Variants in KCNK1 observed in about 807,000 individuals in gnomAD.
The protein encoded by KCNK1 is potassium two pore domain channel subfamily K member 1.
Under a neutral mutation model 22.2 loss-of-function variants are expected in KCNK1, and 10 were observed. The observed-to-expected ratio is 0.45, with a 90% CI of 0.28 to 0.76. KCNK1 has a LOEUF of 0.76. Among genes scored for constraint, KCNK1 ranks in the 30% least tolerant of loss-of-function variants. KCNK1 has a pLI of 0.14. For missense variants in KCNK1, 378 were observed against 421.0 expected (o/e 0.90, Z 0.89); for synonymous variants, 200 against 186.4 (o/e 1.07, Z -0.60).
At chr1:233,650,213 G>A (rs16859361) in intron 1 of KCNK1, among the ~76,000 whole-genome samples, 3,606 of 152,272 alleles carry the variant, frequency 0.024, 148 homozygotes, top group African/African-American at 0.082. Flanking sequence ...AGTTTGCAAT[G>A]AGGGGAGTAA....
Position 233,666,917 on chromosome 1 carries a change from T to A in KCNK1, c.678T>A (p.Ile226=). 6.2e-7 allele frequency: 1 copy of A among 1,614,150 alleles called. No homozygotes were observed. Among genetic ancestry groups the A allele is most frequent in the Non-Finnish European group, 8.5e-7 (1 of 1,179,968 alleles). Residue 226 remains isoleucine, a synonymous_variant, in exon 2 of 3, where the codon ATT becomes ATA. Transcript: ENST00000366621. ...TTTGTTTTATTTCCCTGAGCACCAT[T>A]GGCCTGGGGGATTATGTGCCTGGGG... is the stretch of plus-strand genomic sequence containing the variant. The part of the protein sequence containing the change: ...FYFCFISLST[I]GLGDYVPGEG...
intron 1 of KCNK1, among the ~76,000 whole-genome samples, chr1:233,627,901 C>G (rs929552698): frequency 6.6e-6 from 1 of 152,208 alleles, no homozygotes; most frequent in African/African-American, 2.4e-5. Flanking sequence ...TGGTGGAACA[C>G]CAGAGTTATT....
chr1:233,616,575 G>A (rs1194234549), intron 1 of KCNK1, among the ~76,000 whole-genome samples: 3 of 152,128 alleles, frequency 2.0e-5, no homozygotes, highest in Non-Finnish European at 4.4e-5. Flanking sequence ...AGTGCAAGGG[G>A]CACTTAAGGA....
intron 1 of KCNK1, among the ~76,000 whole-genome samples, chr1:233,620,971 G>A (rs1331236485): frequency 6.6e-6 from 1 of 152,154 alleles, no homozygotes; most frequent in Non-Finnish European, 1.5e-5. Flanking sequence ...TCACTTTACA[G>A]AGGATGAAAC....
In KCNK1 at chr1:233,662,996, A is replaced by G. The variant is rs532928554; in HGVS notation, c.356-3599A>G. On this transcript the variant is annotated intron_variant, in intron 1 of 2. Coordinates refer to ENST00000366621, the MANE Select transcript of KCNK1 (RefSeq NM_002245.4). Reference sequence around the variant, plus strand: ...AAATATGAATTTTGCTTCATGATCTATCTGAAGGTTCAATTGACTGGACTT... The same window carrying G: ...AAATATGAATTTTGCTTCATGATCTGTCTGAAGGTTCAATTGACTGGACTT... 2.6e-5 allele frequency among the ~76,000 whole-genome samples: 4 copies of G among 152,346 alleles called. No individual in the cohort carries two copies. The East Asian group carries it at 5.8e-4, about 22-fold the overall frequency.
chr1:233,630,443 A>G (rs1558110228), intron 1 of KCNK1: 1 of 152,216 alleles, frequency 6.6e-6, no homozygotes, highest in Non-Finnish European at 1.5e-5. Flanking sequence ...TTCTTGGTAC[A>G]TTGGCCTCAG....
intron 1 of KCNK1, among the ~76,000 whole-genome samples, chr1:233,632,346 A>G (rs967346810): frequency 6.6e-6 from 1 of 152,228 alleles, no homozygotes. Flanking sequence ...TTGACATGCA[A>G]GCAACCAAAT....
In KCNK1 at chr1:233,666,737, C is replaced by G. The variant is rs1658496421; in HGVS notation, c.498C>G (p.Leu166=). The change falls in exon 2 of 3, where the codon CTC becomes CTG. Residue 166 remains leucine (L), a synonymous_variant. Transcript: ENST00000366621. The part of the protein sequence containing the change: ...ITVHVTRRPV[L]YFHIRWGFSK... Reference sequence around the variant, plus strand: ...TGCACGTCACCCGCAGGCCGGTCCTCTACTTCCACATCCGCTGGGGCTTCT... The same window carrying G: ...TGCACGTCACCCGCAGGCCGGTCCTGTACTTCCACATCCGCTGGGGCTTCT... The G allele has an allele frequency of 4.3e-6, 7 of 1,614,080 alleles. No individual in the cohort carries two copies. The highest frequency in any genetic ancestry group is 5.9e-6 in the Non-Finnish European group (7 of 1,180,044).
At position 233,671,688 on chromosome 1, in the gene KCNK1, C is replaced by G; in HGVS notation, c.*158C>G. ...CTTATTAAAAAACAACAAAAAAAGACAAATGGAACAAAGAAGCTGTGACCC... is the reference window on the plus strand; with the variant it reads ...CTTATTAAAAAACAACAAAAAAAGAGAAATGGAACAAAGAAGCTGTGACCC... On this transcript the variant is annotated 3_prime_UTR_variant, in exon 3 of 3. Transcript: ENST00000366621. 1 of 803,838 alleles carries G rather than the reference C, an allele frequency of 1.2e-6. No homozygotes were observed. Among genetic ancestry groups the G allele is most frequent in the East Asian group, 2.7e-5 (1 of 37,292 alleles). 49.8% of individuals were successfully genotyped at this position (803,838 alleles called of 1,614,324 possible).
At chr1:233,615,067 C>T (rs1657464074) in intron 1 of KCNK1, among the ~76,000 whole-genome samples, 1 of 152,226 alleles carries the variant, frequency 6.6e-6, no homozygotes, top group African/African-American at 2.4e-5. Context: ...GGACCATGCA[C>T]AGATATTCCA....
At chr1:233,616,574 G>A (rs1190255786) in intron 1 of KCNK1, among the ~76,000 whole-genome samples, 1 of 152,046 alleles carries the variant, frequency 6.6e-6, no homozygotes, top group Admixed American at 6.5e-5. Context: ...CAGTGCAAGG[G>A]GCACTTAAGG....
chr1:233,663,615 CAAA>C (rs1227426712), intron 1 of KCNK1, among the ~76,000 whole-genome samples: 1 of 151,808 alleles, frequency 6.6e-6, no homozygotes, highest in Non-Finnish European at 1.5e-5. Context: ...AAAAGGCTAC[CAAA>C]AAAAGTAATA....
intron 1 of KCNK1, among the ~76,000 whole-genome samples, chr1:233,634,228 C>T (rs1180348612): frequency 1.3e-5 from 2 of 151,298 alleles, no homozygotes; most frequent in Non-Finnish European, 2.9e-5. Context: ...ATTGCTTGAA[C>T]CCAGGAGGCG....
chr1:233,666,958 A>G lies in KCNK1; in HGVS notation c.719A>G (p.Lys240Arg). 1 of 1,613,196 alleles carries G rather than the reference A, an allele frequency of 6.2e-7. No homozygotes were observed. Among genetic ancestry groups the G allele is most frequent in the Non-Finnish European group, 8.5e-7 (1 of 1,179,666 alleles). The change falls in exon 2 of 3, where the codon AAA (lysine) becomes AGA (arginine). Residue 240 changes from lysine (K) to arginine (R), a missense_variant. Physicochemically the swap from Lys to Arg is conservative, Grantham distance 26. Coordinates refer to ENST00000366621, the MANE Select transcript of KCNK1 (RefSeq NM_002245.4). The part of the protein sequence containing the change: ...DYVPGEGYNQ[K>R]FRELYKIGIT... ...GTGCCTGGGGAAGGCTACAATCAAA[A>G]ATTCAGAGAGCTCTATAAGATTGGG...
chr1:233,663,037 G>T (rs902698084), intron 1 of KCNK1, among the ~76,000 whole-genome samples: 4 of 152,128 alleles, frequency 2.6e-5, no homozygotes, highest in African/African-American at 7.2e-5. Flanking sequence ...AATTATTCAC[G>T]ACTTCATTAA....
chr1:233,628,797 A>G lies in KCNK1; in HGVS notation c.355+14271A>G, dbSNP rs12407694. Reference sequence around the variant, plus strand: ...TAATAATAATAAATTTTAAAAGCCCAACCTAATGTAGTGAAAAGTGAGAAT... The same window carrying G: ...TAATAATAATAAATTTTAAAAGCCCGACCTAATGTAGTGAAAAGTGAGAAT... On this transcript the variant is annotated intron_variant, in intron 1 of 2. Coordinates refer to ENST00000366621, the MANE Select transcript of KCNK1 (RefSeq NM_002245.4). Among the ~76,000 whole-genome samples, 2,832 of 151,934 alleles carry G rather than the reference A, an allele frequency of 0.019. 129 individuals carry two copies. The East Asian group carries it at 0.2, about 11-fold the overall frequency.
chr1:233,638,703 G>A (rs1194415551), intron 1 of KCNK1, among the ~76,000 whole-genome samples: 2 of 152,306 alleles, frequency 1.3e-5, no homozygotes, highest in East Asian at 1.9e-4. Context: ...GGAGCCAACC[G>A]AGGACACACA....
At chr1:233,632,903 C>T (rs893495326) in intron 1 of KCNK1, among the ~76,000 whole-genome samples, 11 of 152,170 alleles carry the variant, frequency 7.2e-5, no homozygotes, top group Non-Finnish European at 4.4e-5. Flanking sequence ...GCAGTCTTTT[C>T]ATGTAAAGAC....
chr1:233,663,600 T>G (rs1446183004), intron 1 of KCNK1, among the ~76,000 whole-genome samples: 1 of 152,138 alleles, frequency 6.6e-6, no homozygotes, highest in East Asian at 1.9e-4. Flanking sequence ...TTATAAAAAT[T>G]TATAAAAAGG....
Sources: gnomAD v4.1 joint callset for allele counts (sites outside exome capture counted in the v4.1 genomes callset) on GRCh38, gnomAD v4.1.1 for gene constraint, MANE v1.5 for transcripts, NCBI Gene and HGNC (gene_info 2026-07-23, HGNC 2026-07-21) for gene names.